PHLPP1: variants seen among roughly 807,000 people sequenced by gnomAD.
The protein encoded by PHLPP1 is PH domain and leucine rich repeat protein phosphatase 1, also known as PH domain leucine-rich repeat-containing protein phosphatase 1.
Under a neutral mutation model 117.2 loss-of-function variants are expected in PHLPP1, and 42 were observed. The observed-to-expected ratio is 0.36, with a 90% CI of 0.28 to 0.46. The LOEUF is 0.46. Among genes scored for constraint, PHLPP1 ranks in the 20% least tolerant of loss-of-function variants. PHLPP1 has a pLI of 1.00. For missense variants in PHLPP1, 2,084 were observed against 2,241.9 expected (o/e 0.93, Z 1.42); for synonymous variants, 1,042 against 970.7 (o/e 1.07, Z -1.37).
intron 9 of PHLPP1, among the ~76,000 whole-genome samples, chr18:62,915,442 C>T (rs1378739936): frequency 1.3e-5 from 2 of 152,140 alleles, no homozygotes; most frequent in Non-Finnish European, 2.9e-5. Context: ...GGTCATGAAA[C>T]CTAGAAAGAG....
intron 10 of PHLPP1, among the ~76,000 whole-genome samples, chr18:62,933,279 A>G (rs1052941172): frequency 1.5e-4 from 23 of 152,202 alleles, no homozygotes; most frequent in Admixed American, 5.2e-4. Flanking sequence ...TCATGTGGAA[A>G]CACAAAAGAG....
chr18:62,845,636 T>G (rs1279040286), intron 3 of PHLPP1, among the ~76,000 whole-genome samples: 1 of 152,190 alleles, frequency 6.6e-6, no homozygotes, highest in Admixed American at 6.5e-5. Flanking sequence ...AAGGAACCCT[T>G]TAATATGACT....
rs1007188094 is a variant in PHLPP1, at chr18:62,715,791, G to A, written c.108G>A (p.Ala36=). 124 of 791,536 alleles carry A rather than the reference G, an allele frequency of 1.6e-4. No individual in the cohort carries two copies. The highest frequency in any genetic ancestry group is 1.9e-4 in the Non-Finnish European group (121 of 645,520). The allele number at this position is 791,536 out of a possible 1,614,324, so 49.0% of individuals were successfully genotyped here. ...AAAAAAAAAA[A]AAAALAAAAG... is the part of the protein sequence containing the mutation. ...CTGCGGCAGCAGCAGCAGCAGCGGC[G>A]GCCGCGGCGGCTCTGGCGGCGGCGG... Residue 36 remains alanine, a synonymous_variant, in exon 1 of 17, where the codon GCG becomes GCA. Coordinates refer to ENST00000262719, the MANE Select transcript of PHLPP1 (RefSeq NM_194449.4).
chr18:62,756,899 T>A (rs1912040440), intron 1 of PHLPP1, among the ~76,000 whole-genome samples: 1 of 152,162 alleles, frequency 6.6e-6, no homozygotes, highest in Non-Finnish European at 1.5e-5. Context: ...TGGGGTTTGA[T>A]CAAGAAGAGA....
intron 4 of PHLPP1, among the ~76,000 whole-genome samples, chr18:62,887,191 G>T (rs1182954833): frequency 2.6e-5 from 4 of 152,144 alleles, no homozygotes; most frequent in Admixed American, 2.6e-4. Context: ...TTTAATAAAA[G>T]AGGAGGAGGA....
intron 4 of PHLPP1, among the ~76,000 whole-genome samples, chr18:62,865,442 G>A (rs754119940): frequency 4.6e-5 from 7 of 152,068 alleles, no homozygotes; most frequent in Non-Finnish European, 1.0e-4. Flanking sequence ...TGTTTCTGGA[G>A]CTACCCATCA....
chr18:62,877,282 A>G (rs1032240417), intron 4 of PHLPP1, among the ~76,000 whole-genome samples: 11 of 152,234 alleles, frequency 7.2e-5, no homozygotes, highest in African/African-American at 2.2e-4. Context: ...GTTTTTATAC[A>G]TAATTCATGA....
intron 1 of PHLPP1, among the ~76,000 whole-genome samples, chr18:62,719,611 T>G (rs1167444384): frequency 1.3e-5 from 2 of 152,206 alleles, no homozygotes; most frequent in East Asian, 3.8e-4. Context: ...GGATAATTAA[T>G]GTTTGTTTTA....
intron 1 of PHLPP1, among the ~76,000 whole-genome samples, chr18:62,766,076 A>AAAAATATATATATATATATAT: frequency 5.1e-4 from 11 of 21,644 alleles, no homozygotes; most frequent in Admixed American, 7.9e-4. Context: ...AAAAAAAAAA[A>AAAAATATATATATATATATAT]ATATATATAT....
At chr18:62,865,798 G>T (rs1172111317) in intron 4 of PHLPP1, among the ~76,000 whole-genome samples, 1 of 152,134 alleles carries the variant, frequency 6.6e-6, no homozygotes, top group African/African-American at 2.4e-5. Context: ...ACCAAATACT[G>T]CATGTTCTTA....
At chr18:62,957,716 ATT>A (rs774423724) in intron 12 of PHLPP1, among the ~76,000 whole-genome samples, 5 of 136,788 alleles carry the variant, frequency 3.7e-5, no homozygotes, top group Admixed American at 7.3e-5. Flanking sequence ...CCGGATTCTT[ATT>A]TTTTTTTTTT....
In PHLPP1 at chr18:62,716,339, T is replaced by TAG. The variant is rs1193927493; in HGVS notation, c.656_657insAG (p.Leu220GlyfsTer27). ...ATGGCCTCGACCTACCTGCGCCCGG[T>TAG]GCTCTGCACACTGGACACCACGGCC... On this transcript the variant is annotated frameshift_variant, in exon 1 of 17. Coordinates refer to ENST00000262719, the MANE Select transcript of PHLPP1 (RefSeq NM_194449.4). LOFTEE classifies it high-confidence loss of function. This position sits in a 1 kb window ranked among gnomAD's most constrained non-coding sequence, Gnocchi z 5.7. 1 of 1,526,770 alleles carries TAG rather than the reference T, an allele frequency of 6.5e-7. No individual in the cohort carries two copies. Among genetic ancestry groups the TAG allele is most frequent in the Non-Finnish European group, 8.7e-7 (1 of 1,143,598 alleles). 94.6% of individuals were successfully genotyped at this position (1,526,770 alleles called of 1,614,324 possible). A position where few individuals can be genotyped will look rare whatever the true frequency, so the allele number is the denominator to read the frequency against.
At chr18:62,792,790 C>T (rs1170234564) in intron 1 of PHLPP1, among the ~76,000 whole-genome samples, 2 of 144,778 alleles carry the variant, frequency 1.4e-5, no homozygotes, top group African/African-American at 5.2e-5. Context: ...TGCTTGAGCA[C>T]AGGAGGTCAA....
chr18:62,916,226 A>G (rs1341974264), intron 9 of PHLPP1, among the ~76,000 whole-genome samples: 1 of 151,990 alleles, frequency 6.6e-6, no homozygotes, highest in Non-Finnish European at 1.5e-5. Flanking sequence ...ATAAGTGTAA[A>G]ATGTACATGG....
chr18:62,799,870 A>G (rs984807694), intron 1 of PHLPP1, among the ~76,000 whole-genome samples: 5 of 152,202 alleles, frequency 3.3e-5, no homozygotes, highest in Admixed American at 1.3e-4. Flanking sequence ...CAAGTATAAT[A>G]GTCAAGATCT....
chr18:62,774,362 A>C (rs1912887166), intron 1 of PHLPP1, among the ~76,000 whole-genome samples: 1 of 152,086 alleles, frequency 6.6e-6, no homozygotes, highest in Non-Finnish European at 1.5e-5. Context: ...CTTCATTTTG[A>C]GCCTTTGTCA....
chr18:62,932,605 C>T (rs866261341), intron 10 of PHLPP1, among the ~76,000 whole-genome samples: 2 of 152,216 alleles, frequency 1.3e-5, no homozygotes, highest in Admixed American at 6.5e-5. Flanking sequence ...TAGGCATCAA[C>T]GGAATGTACC....
At chr18:62,788,565 GTTTTTT>G (rs71160869) in intron 1 of PHLPP1, among the ~76,000 whole-genome samples, 2,079 of 150,556 alleles carry the variant, frequency 0.014, 40 homozygotes, top group African/African-American at 0.049. Context: ...GGGTTTTTTT[GTTTTTT>G]TTTGTTTTTG....
chr18:62,979,876 GTTTTT>G lies in PHLPP1; in HGVS notation c.*446_*450del, dbSNP rs972111451. 1.3e-5 allele frequency: 2 copies of G among 157,708 alleles called. No individual in the cohort carries two copies. Among genetic ancestry groups the G allele is most frequent in the African/African-American group, 4.8e-5 (2 of 41,420 alleles). The allele number at this position is 157,708 out of a possible 1,614,324, so 9.8% of individuals were successfully genotyped here. On this transcript the variant is annotated 3_prime_UTR_variant, in exon 17 of 17. Coordinates refer to ENST00000262719, the MANE Select transcript of PHLPP1 (RefSeq NM_194449.4). The stretch of plus-strand genomic sequence containing the variant: ...GTTTTGTTTTGTTTTGTTTTGTTTT[GTTTTT>G]GTCTTGAAAATAATAGACATTTGTA...
Sources: gnomAD v4.1 joint callset for allele counts (sites outside exome capture counted in the v4.1 genomes callset) on GRCh38, gnomAD v4.1.1 for gene constraint, Gnocchi (gnomAD v3.1) non-coding constraint, MANE v1.5 for transcripts, NCBI Gene and HGNC (gene_info 2026-07-23, HGNC 2026-07-21) for gene names.